RTN1: variants seen among roughly 807,000 people sequenced by gnomAD.
RTN1 encodes the protein reticulon 1, also known as reticulon-1.
A neutral mutation model predicts 65.5 loss-of-function variants in RTN1; 25 were observed. The observed-to-expected ratio is 0.38, with a 90% CI of 0.28 to 0.53. The LOEUF (loss-of-function observed/expected upper bound fraction) is 0.53. RTN1 is among the 20% of genes least tolerant of loss of function. The probability of loss-of-function intolerance (pLI) is 0.79; values close to 1 mark genes in which losing one functional copy is unlikely to be tolerated. For synonymous variants in RTN1, 471 were observed against 447.6 expected, an observed-to-expected ratio of 1.05 and a Z score of -0.66; for missense variants, 983 against 1,025.4, an observed-to-expected ratio of 0.96 and a Z score of 0.57.
intron 1 of RTN1, among the ~76,000 whole-genome samples, chr14:59,781,686 AT>A (rs1886158602): frequency 6.6e-6 from 1 of 152,122 alleles, no homozygotes; most frequent in South Asian, 2.1e-4. Flanking sequence ...ATTATTTGCC[AT>A]TGAGATGTTT....
rs971107579 is a variant in RTN1, at chr14:59,816,227, A to C, written c.241+54163T>G. Among the ~76,000 whole-genome samples the C allele has an allele frequency of 6.6e-6, 1 of 151,910 alleles. No homozygotes were observed. The highest frequency in any genetic ancestry group is 1.5e-5 in the Non-Finnish European group (1 of 68,010). The stretch of plus-strand genomic sequence containing the variant: ...CACACACAAGCTTGCGTGCGTGCAC[A>C]CACACAGACACACACACACACTAGT... On this transcript the variant is annotated intron_variant, in intron 1 of 8. Transcript: ENST00000267484. This position sits in a 1 kb window ranked among gnomAD's most constrained non-coding sequence, Gnocchi z 4.3.
chr14:59,828,490 G>C (rs536064033), intron 1 of RTN1, among the ~76,000 whole-genome samples: 7 of 152,188 alleles, frequency 4.6e-5, no homozygotes, highest in Non-Finnish European at 1.0e-4. Flanking sequence ...ACAGAGATCT[G>C]AAAGAAGAAA....
At position 59,844,936 on chromosome 14, in the gene RTN1, C is replaced by A. The variant is rs186115647; in HGVS notation, c.241+25454G>T. On this transcript the variant is annotated intron_variant, in intron 1 of 8. Coordinates refer to ENST00000267484, the MANE Select transcript of RTN1 (RefSeq NM_021136.3). ...ACTTTAAAATTTCACTTAATATTTA[C>A]GGATGACAAATAATGAAATTATAAG... Among the ~76,000 whole-genome samples the A allele has an allele frequency of 2.0e-4, 30 of 152,218 alleles. No homozygotes were observed. In the East Asian group the frequency reaches 5.4e-3, roughly 27 times the overall value.
chr14:59,811,180 A>G (rs1886721867), intron 1 of RTN1, among the ~76,000 whole-genome samples: 1 of 152,160 alleles, frequency 6.6e-6, no homozygotes, highest in Non-Finnish European at 1.5e-5. Context: ...ATTGCAGTCT[A>G]TGGATACTCA....
At chr14:59,642,238 C>A (rs1290350348) in intron 3 of RTN1, among the ~76,000 whole-genome samples, 1 of 152,062 alleles carries the variant, frequency 6.6e-6, no homozygotes, top group African/African-American at 2.4e-5. Flanking sequence ...TAGAAAGTAA[C>A]TGTTATGACT....
At chr14:59,709,265 TTATC>T (rs1884364269) in intron 3 of RTN1, among the ~76,000 whole-genome samples, 2 of 152,200 alleles carry the variant, frequency 1.3e-5, no homozygotes. Context: ...TAAATTTTGT[TTATC>T]TATATATGAA....
intron 3 of RTN1, among the ~76,000 whole-genome samples, chr14:59,722,081 T>C (rs1249720886): frequency 6.6e-6 from 1 of 152,238 alleles, no homozygotes; most frequent in Non-Finnish European, 1.5e-5. Context: ...CTATAGCATT[T>C]CTATGGGATA....
At chr14:59,621,937 T>G (rs1028017900) in intron 3 of RTN1, among the ~76,000 whole-genome samples, 1 of 152,256 alleles carries the variant, frequency 6.6e-6, no homozygotes, top group Non-Finnish European at 1.5e-5. Context: ...ATCTGCATTA[T>G]GGTACCATAT....
At chr14:59,659,189 A>C (rs1883189001) in intron 3 of RTN1, among the ~76,000 whole-genome samples, 1 of 152,156 alleles carries the variant, frequency 6.6e-6, no homozygotes, top group African/African-American at 2.4e-5. Context: ...TAGAGAAAAA[A>C]AAAAAGAATG....
At chr14:59,867,095 T>C (rs2139681670) in intron 1 of RTN1, among the ~76,000 whole-genome samples, 1 of 152,310 alleles carries the variant, frequency 6.6e-6, no homozygotes, top group South Asian at 2.1e-4. Context: ...TGATTTTGCT[T>C]TCCATATATT....
intron 3 of RTN1, among the ~76,000 whole-genome samples, chr14:59,635,713 C>T (rs1882651981): frequency 6.6e-6 from 1 of 151,958 alleles, no homozygotes; most frequent in Non-Finnish European, 1.5e-5. Context: ...ATTAATCAAA[C>T]AATAGAAATT....
rs557726728 is a variant in RTN1 at position 59,845,125 on chromosome 14, T to C, written c.241+25265A>G. On this transcript the variant is annotated intron_variant, in intron 1 of 8. Transcript: ENST00000267484. ...TCCTGCAGCAATCGAAAATTTAAAATCTAAAGGGTTCATAGTTTGCATCTT... is the reference window on the plus strand; with the variant it reads ...TCCTGCAGCAATCGAAAATTTAAAACCTAAAGGGTTCATAGTTTGCATCTT... 5.3e-5 allele frequency among the ~76,000 whole-genome samples: 8 copies of C among 152,324 alleles called. No homozygotes were observed. The East Asian group carries it at 1.5e-3, about 29-fold the overall frequency.
intron 1 of RTN1, among the ~76,000 whole-genome samples, chr14:59,864,892 AC>A (rs1220653770): frequency 6.8e-6 from 1 of 146,680 alleles, no homozygotes; most frequent in Non-Finnish European, 1.5e-5. Context: ...TTTTGAATAA[AC>A]ATTAAAATCA....
chr14:59,603,401 G>T (rs559116374), intron 6 of RTN1, 143 bp from the exon 7 acceptor site: 4 of 631,170 alleles, frequency 6.3e-6, no homozygotes, highest in Non-Finnish European at 7.8e-6. Flanking sequence ...TCCCTATTTT[G>T]AGAAGCAATA....
intron 3 of RTN1, among the ~76,000 whole-genome samples, chr14:59,629,592 C>A (rs1882488675): frequency 6.6e-6 from 1 of 152,192 alleles, no homozygotes; most frequent in Non-Finnish European, 1.5e-5. Context: ...TTCATTCTTG[C>A]AAATTATCTT....
chr14:59,753,395 C>T (rs572580259), intron 1 of RTN1, among the ~76,000 whole-genome samples: 1 of 152,206 alleles, frequency 6.6e-6, no homozygotes, highest in South Asian at 2.1e-4. Context: ...GTAAATCACA[C>T]ATTTTATTTT....
chr14:59,831,628 T>C (rs764075795), intron 1 of RTN1, among the ~76,000 whole-genome samples: 1 of 152,172 alleles, frequency 6.6e-6, no homozygotes, highest in Non-Finnish European at 1.5e-5. Flanking sequence ...ATGTATAATA[T>C]GGATTTCAAG....
chr14:59,653,640 A>T (rs1883063324), intron 3 of RTN1, among the ~76,000 whole-genome samples: 1 of 151,884 alleles, frequency 6.6e-6, no homozygotes, highest in South Asian at 2.1e-4. Context: ...AGCAATAGTC[A>T]TATGACTATA....
In RTN1 at chr14:59,607,306, G is replaced by A; in HGVS notation, c.1952C>T (p.Thr651Ile). ...TCACTTGAAAGGGTGGCCTTCGTCG[G>A]TTTTCTGCACTGCTTGTAAAACAGA... ...YKSVLQAVQK[T>I]DEGHPFKAYL... The change falls in exon 4 of 9, where the codon ACC (threonine) becomes ATC (isoleucine). Residue 651 changes from threonine (T) to isoleucine (I), a missense_variant. Transcript: ENST00000267484. 1 of 1,614,020 alleles carries A rather than the reference G, an allele frequency of 6.2e-7. No homozygotes were observed. Among genetic ancestry groups the A allele is most frequent in the Non-Finnish European group, 8.5e-7 (1 of 1,179,998 alleles).
Sources: gnomAD v4.1 joint callset for allele counts (sites outside exome capture counted in the v4.1 genomes callset) on GRCh38, gnomAD v4.1.1 for gene constraint, Gnocchi (gnomAD v3.1) non-coding constraint, MANE v1.5 for transcripts, NCBI Gene and HGNC (gene_info 2026-07-23, HGNC 2026-07-21) for gene names.